LILRB2: variants seen among roughly 807,000 people sequenced by gnomAD.
LILRB2 encodes the protein leukocyte immunoglobulin-like receptor subfamily B member 2.
A neutral mutation model predicts 72.7 loss-of-function variants in LILRB2; 47 were observed. The observed-to-expected ratio is 0.65, with a 90% CI of 0.51 to 0.82. The LOEUF is 0.82. Ranked by LOEUF, LILRB2 falls within the 40% of genes least tolerant of loss-of-function variation. The pLI, the probability that LILRB2 is intolerant of heterozygous loss-of-function variation, is 0.00. For synonymous variants in LILRB2, 279 were observed against 313.7 expected, an observed-to-expected ratio of 0.89 and a Z score of 1.17; for missense variants, 767 against 764.8, an observed-to-expected ratio of 1.00 and a Z score of -0.03.
In LILRB2 at chr19:54,280,470, G is replaced by T. The variant is rs573156051; in HGVS notation, c.27C>A (p.Ile9=). Residue 9 remains isoleucine (I), a synonymous_variant, in exon 2 of 14, where the codon ATC becomes ATA. Coordinates refer to ENST00000314446, the MANE Select transcript of LILRB2 (RefSeq NM_001080978.4). ...TCTCTCTTCAAATCTCACCGAGACAGATCAGGACTGTGACGATGGGGGTCA... is the reference window on the plus strand; with the variant it reads ...TCTCTCTTCAAATCTCACCGAGACATATCAGGACTGTGACGATGGGGGTCA... The part of the protein sequence containing the change: MTPIVTVL[I]CLGLSLGPRT... The T allele has an allele frequency of 6.2e-7, 1 of 1,613,906 alleles. No individual in the cohort carries two copies. The highest frequency in any genetic ancestry group is 1.3e-5 in the African/African-American group (1 of 74,888).
Position 54,274,337 on chromosome 19 carries a change from C to A in LILRB2, c.*346G>T, listed in dbSNP as rs1232691615. On this transcript the variant is annotated 3_prime_UTR_variant, in exon 14 of 14. Coordinates refer to ENST00000314446, the MANE Select transcript of LILRB2 (RefSeq NM_001080978.4). ...CATTCATTTCCTAGTTTTTTTTTTT[C>A]GTTTCTACTTTTTTCATTTGTGGTT... The A allele has an allele frequency of 1.0e-5, 2 of 196,782 alleles. No homozygotes were observed. The highest frequency in any genetic ancestry group is 2.0e-5 in the Non-Finnish European group (2 of 101,110). The allele number at this position is 196,782 out of a possible 1,614,324, so 12.2% of individuals were successfully genotyped here.
At position 54,278,873 on chromosome 19, in the gene LILRB2, A is replaced by C; in HGVS notation, c.894T>G (p.Gly298=). Residue 298 remains glycine, a synonymous_variant, in exon 6 of 14, where the codon GGT becomes GGG. Transcript: ENST00000314446. ...AGCACTCAGAGGAGAGGTTGTGTGC[A>C]CCGTAGCATCTGTACTGGCCCCCGT... ...RSYGGQYRCY[G]AHNLSSECSA... is the part of the protein sequence containing the mutation. 6.2e-7 allele frequency: 1 copy of C among 1,613,930 alleles called. No homozygotes were observed. Among genetic ancestry groups the C allele is most frequent in the Non-Finnish European group, 8.5e-7 (1 of 1,179,934 alleles).
Position 54,280,589 on chromosome 19 carries a change from C to A in LILRB2, c.-48-45G>T, listed in dbSNP as rs1420702584. ...CAGAGAGAAATAGCCTCCCCTCCTT[C>A]CCACCCTGTGTGGACACTCAGAGGC... On this transcript the variant is annotated intron_variant, in intron 1 of 13. Transcript: ENST00000314446. 11 of 1,561,046 alleles carry A rather than the reference C, an allele frequency of 7.0e-6. No individual in the cohort carries two copies. The African/African-American group carries it at 1.4e-4, about 20-fold the overall frequency.
In LILRB2 at chr19:54,275,952, C is replaced by G. The variant is rs35440540; in HGVS notation, c.1646G>C (p.Arg549Pro). ...QPEDGVEMDTRAAASEAPQDV... is the reference protein window; with the variant it reads ...QPEDGVEMDTPAAASEAPQDV... ...CCTGGGACAGGGGCGGGGTCTCACC[C>G]GAGTGTCCATCTCCACCCCATCTTC... The change falls in exon 13 of 14, where the codon CGG (arginine) becomes CCG (proline). Residue 549 changes from arginine (R) to proline (P), a missense_variant and splice_region_variant. Coordinates refer to ENST00000314446, the MANE Select transcript of LILRB2 (RefSeq NM_001080978.4). 9 of 1,614,084 alleles carry G rather than the reference C, an allele frequency of 5.6e-6. No homozygotes were observed. The Admixed American group carries it at 6.7e-5, about 12-fold the overall frequency.
Position 54,279,522 on chromosome 19 carries a change from C to A in LILRB2, c.481G>T (p.Asp161Tyr), listed in dbSNP as rs370409653. The A allele has an allele frequency of 1.9e-4, 305 of 1,614,178 alleles. 3 individuals carry two copies. The East Asian group carries it at 5.7e-3, about 30-fold the overall frequency. ...GGFILCKEGEDEHPQCLNSQP... is the reference protein window; with the variant it reads ...GGFILCKEGEYEHPQCLNSQP... ...GAGTTCAGGCATTGTGGGTGTTCAT[C>A]TTCTCCTTCCTTACACAGAATGAAG... Residue 161 changes from aspartate to tyrosine, a missense_variant, in exon 5 of 14, where the codon GAT becomes TAT. Physicochemically the swap from Asp to Tyr is radical, Grantham distance 160 (BLOSUM62 -3). This residue lies in a region of LILRB2 where 599 missense variants were observed against 568.2 expected (regional missense o/e 1.05). Transcript: ENST00000314446.
chr19:54,275,027 C>T, intron 13 of LILRB2, 198 bp from the exon 14 acceptor site: 1 of 1,608,406 alleles, frequency 6.2e-7, no homozygotes. Context: ...TTCACCGGGG[C>T]ATATGTCACT....
At position 54,280,632 on chromosome 19, in the gene LILRB2, G is replaced by A. The variant is rs1166797129; in HGVS notation, c.-48-88C>T. 9 of 1,531,064 alleles carry A rather than the reference G, an allele frequency of 5.9e-6. No individual in the cohort carries two copies. The African/African-American group carries it at 6.9e-5, about 12-fold the overall frequency. 94.8% of individuals were successfully genotyped at this position (1,531,064 alleles called of 1,614,324 possible). On this transcript the variant is annotated intron_variant, in intron 1 of 13. Transcript: ENST00000314446. Reference sequence around the variant, plus strand: ...TCAGAGGCTGGGTCCTTCTCATGGGGTGTTGTCATCTGCAGCCACACAAGA... The same window carrying A: ...TCAGAGGCTGGGTCCTTCTCATGGGATGTTGTCATCTGCAGCCACACAAGA...
Position 54,274,537 on chromosome 19 carries a change from G to A in LILRB2, c.*146C>T. On this transcript the variant is annotated 3_prime_UTR_variant, in exon 14 of 14. Transcript: ENST00000314446. ...TTATTTCGACTGCAGAATCAAGTGAGTCCCAAAGTTCCCAGCATCTCCTCA... is the reference window on the plus strand; with the variant it reads ...TTATTTCGACTGCAGAATCAAGTGAATCCCAAAGTTCCCAGCATCTCCTCA... 1 of 1,433,066 alleles carries A rather than the reference G, an allele frequency of 7.0e-7. No individual in the cohort carries two copies. The highest frequency in any genetic ancestry group is 9.3e-7 in the Non-Finnish European group (1 of 1,069,644). The allele number at this position is 1,433,066 out of a possible 1,614,324, so 88.8% of individuals were successfully genotyped here.
chr19:54,275,036 C>T, intron 13 of LILRB2: 1 of 1,608,684 alleles, frequency 6.2e-7, no homozygotes, highest in South Asian at 1.1e-5. Context: ...GCATATGTCA[C>T]TGCCTGGGGG....
Position 54,278,948 on chromosome 19 carries a change from C to G in LILRB2, c.819G>C (p.Gln273His), listed in dbSNP as rs2080400703. 2.5e-6 allele frequency: 4 copies of G among 1,614,072 alleles called. No individual in the cohort carries two copies. Among genetic ancestry groups the G allele is most frequent in the East Asian group, 2.2e-5 (1 of 44,886 alleles). ...TGAAGTTGGCCTGGGAGAGCCCAGC[C>G]TGGGGCTGCCGGCCAGGGAGCTGGC... Reference protein sequence around the residue: ...DLRQLPGRQPQAGLSQANFTL... With the variant: ...DLRQLPGRQPHAGLSQANFTL... Residue 273 changes from glutamine to histidine, a missense_variant, in exon 6 of 14, where the codon CAG (glutamine) becomes CAC (histidine). Transcript: ENST00000314446.
At position 54,275,806 on chromosome 19, in the gene LILRB2, A is replaced by G. The variant is rs556981924; in HGVS notation, c.1647+145T>C. 3,546 of 1,091,048 alleles carry G rather than the reference A, an allele frequency of 3.3e-3. 24 individuals are homozygous for G. The highest frequency in any genetic ancestry group is 2.8e-3 in the Non-Finnish European group (2,004 of 710,496). The allele number at this position is 1,091,048 out of a possible 1,614,324, so 67.6% of individuals were successfully genotyped here. On this transcript the variant is annotated intron_variant, in intron 13 of 13. Transcript: ENST00000314446. ...CAGGACAGCAGGAGAGAGTGAGGTC[A>G]CAGCAGGCGGGAGGCAGCGTGCTGG... is the stretch of plus-strand genomic sequence containing the variant.
chr19:54,280,134 T>G, intron 3 of LILRB2, 59 bp from the exon 4 acceptor site: 2 of 1,609,338 alleles, frequency 1.2e-6, no homozygotes, highest in Non-Finnish European at 1.7e-6. Context: ...ATCTCAGCTC[T>G]CAGCCCAGGA....
chr19:54,274,919 T>TCTGTCTGTCCTCTTCTGC (rs1212393810), intron 13 of LILRB2, 90 bp from the exon 14 acceptor site: 1 of 1,610,670 alleles, frequency 6.2e-7, no homozygotes, highest in Non-Finnish European at 8.5e-7. Flanking sequence ...TCAGTGTCCA[T>TCTGTCTGTCCTCTTCTGC]CTGTCTGTCC....
chr19:54,278,572 A>C lies in LILRB2; in HGVS notation c.956-10T>G. 2 of 1,612,808 alleles carry C rather than the reference A, an allele frequency of 1.2e-6. No individual in the cohort carries two copies. The highest frequency in any genetic ancestry group is 1.7e-6 in the Non-Finnish European group (2 of 1,178,976). ...GTGCCACGGATCTGTCCTGGAGAGAAGAAGGATGGGTGAGGGGCTGCCCCA... is the reference window on the plus strand; with the variant it reads ...GTGCCACGGATCTGTCCTGGAGAGACGAAGGATGGGTGAGGGGCTGCCCCA... On this transcript the variant is annotated splice_polypyrimidine_tract_variant and intron_variant, in intron 6 of 13. Coordinates refer to ENST00000314446, the MANE Select transcript of LILRB2 (RefSeq NM_001080978.4).
chr19:54,279,470 C>T lies in LILRB2; in HGVS notation c.533G>A (p.Arg178His), dbSNP rs765314039. 47 of 1,614,158 alleles carry T rather than the reference C, an allele frequency of 2.9e-5. No homozygotes were observed. Among genetic ancestry groups the T allele is most frequent in the Admixed American group, 1.2e-4 (7 of 60,022 alleles). Residue 178 changes from arginine to histidine, a missense_variant, in exon 5 of 14, where the codon CGC becomes CAC. Arg to His is a conservative substitution (Grantham distance 29). Transcript: ENST00000314446. ...NSQPHARGSS[R>H]AIFSVGPVSP... ...CACGGGGCCCACGGAGAAGATGGCG[C>T]GGGACGACCCACGGGCATGGGGCTG...
In LILRB2 at chr19:54,278,309, G is replaced by T. The variant is rs575075906; in HGVS notation, c.1209C>A (p.Asp403Glu). Reference protein sequence around the residue: ...TYRCYGSLNSDPYLLSHPSEP... With the variant: ...TYRCYGSLNSEPYLLSHPSEP... Reference sequence around the variant, plus strand: ...CACTGGGGTGAGACAGCAGGTAGGGGTCGGAGTTGAGTGAGCCGTAGCACC... The same window carrying T: ...CACTGGGGTGAGACAGCAGGTAGGGTTCGGAGTTGAGTGAGCCGTAGCACC... The change falls in exon 7 of 14, where the codon GAC becomes GAA. Residue 403 changes from aspartate (D) to glutamate (E), a missense_variant. Physicochemically the swap from Asp to Glu is conservative, Grantham distance 45. This residue lies in a region of LILRB2 where 599 missense variants were observed against 568.2 expected (regional missense o/e 1.05). Transcript: ENST00000314446. 4.3e-6 allele frequency: 7 copies of T among 1,614,226 alleles called. No homozygotes were observed. Among genetic ancestry groups the T allele is most frequent in the Admixed American group, 3.3e-5 (2 of 60,030 alleles).
In LILRB2 at chr19:54,279,647, C is replaced by G; in HGVS notation, c.356G>C (p.Gly119Ala). 6.2e-7 allele frequency: 1 copy of G among 1,604,238 alleles called. No homozygotes were observed. The highest frequency in any genetic ancestry group is 1.7e-4 in the Middle Eastern group (1 of 6,038). ...LSDPLVLVMT[G>A]AYPKPTLSAQ... ...TGAGAGGGTGGGTTTTGGGTAGGCTCCTAGGAGAGAAGGAGGCATCGTGTT... is the reference window on the plus strand; with the variant it reads ...TGAGAGGGTGGGTTTTGGGTAGGCTGCTAGGAGAGAAGGAGGCATCGTGTT... Residue 119 changes from glycine to alanine, a missense_variant and splice_region_variant, in exon 5 of 14, where the codon GGA becomes GCA. Gly to Ala is a moderately conservative substitution (Grantham distance 60). Around this residue, in one of 3 missense-constraint regions of LILRB2, gnomAD observed 599 missense variants for 568.2 expected, o/e 1.05. Coordinates refer to ENST00000314446, the MANE Select transcript of LILRB2 (RefSeq NM_001080978.4).
intron 13 of LILRB2, chr19:54,275,503 T>C (rs114011973): frequency 0.066 from 33,673 of 508,768 alleles, 1,257 homozygotes; most frequent in African/African-American, 0.083. Context: ...CTCCTGGACA[T>C]GGCGCATTTA....
intron 12 of LILRB2, 41 bp from the exon 13 acceptor site, chr19:54,276,044 C>T: frequency 1.9e-6 from 3 of 1,609,074 alleles, no homozygotes; most frequent in Non-Finnish European, 2.5e-6. Context: ...TGGGAAGGTT[C>T]CCTGGGACCT....
Sources: gnomAD v4.1 joint callset for allele counts on GRCh38, gnomAD v4.1.1 for gene constraint, gnomAD v4.1.1 regional missense constraint, MANE v1.5 for transcripts, NCBI Gene and HGNC (gene_info 2026-07-23, HGNC 2026-07-21) for gene names.